The following DNAH5 variants were observed in gnomAD, a reference collection of about 807,000 sequenced individuals.
DNAH5 encodes axonemal beta dynein heavy chain 5.
DNAH5 carries 372 observed loss-of-function variants against 518.2 expected under a neutral mutation model. The observed-to-expected ratio is 0.72, with a 90% CI of 0.66 to 0.78. The LOEUF (loss-of-function observed/expected upper bound fraction) is 0.78, where lower values mean the gene tolerates loss of function less well. Ranked by LOEUF, DNAH5 falls within the 30% of genes least tolerant of loss-of-function variation. The probability of loss-of-function intolerance (pLI) is 0.00; values close to 1 mark genes in which losing one functional copy is unlikely to be tolerated. For synonymous variants in DNAH5, 2,039 were observed against 2,025.9 expected, an observed-to-expected ratio of 1.01 and a Z score of -0.17; for missense variants, 5,523 against 5,687.0, an observed-to-expected ratio of 0.97 and a Z score of 0.93.
intron 21 of DNAH5, among the ~76,000 whole-genome samples, chr5:13,877,738 G>T (rs919151956): frequency 7.2e-5 from 11 of 152,292 alleles, no homozygotes; most frequent in African/African-American, 2.6e-4. Context: ...TGGAAATGAG[G>T]CTTTGGACCT....
chr5:13,701,239 G>A (rs374725714), intron 77 of DNAH5, 45 bp downstream of exon 77: 16 of 1,612,818 alleles, frequency 9.9e-6, no homozygotes, highest in Admixed American at 5.0e-5. Flanking sequence ...AAATCCTGTG[G>A]AGGAAAATTA....
chr5:13,719,240 GAA>G, intron 71 of DNAH5, 139 bp from the exon 72 acceptor site: 1 of 772,976 alleles, frequency 1.3e-6, no homozygotes, highest in Non-Finnish European at 2.2e-6. Flanking sequence ...TCAAATCTAA[GAA>G]AACAAAAATG....
At chr5:13,983,411 C>T (rs552980949) in intron 1 of DNAH5, among the ~76,000 whole-genome samples, 2 of 152,290 alleles carry the variant, frequency 1.3e-5, no homozygotes, top group South Asian at 4.1e-4. Flanking sequence ...CTCCAAAGAA[C>T]CTTTGTGTGG....
Position 13,891,095 on chromosome 5 carries a change from C to T in DNAH5, c.2458G>A (p.Val820Ile). 1 of 1,614,008 alleles carries T rather than the reference C, an allele frequency of 6.2e-7. No individual in the cohort carries two copies. Among genetic ancestry groups the T allele is most frequent in the Non-Finnish European group, 8.5e-7 (1 of 1,179,994 alleles). ...IKDLELLLDR[V>I]NDLIEFRIDA... The stretch of plus-strand genomic sequence containing the variant: ...ATGCGGAACTCAATCAAATCATTGA[C>T]CCTGTCAAGCAGCAACTCCAGGTCC... Residue 820 changes from valine to isoleucine, a missense_variant, in exon 17 of 79, where the codon GTC (valine) becomes ATC (isoleucine). Val to Ile is a conservative substitution (Grantham distance 29). Coordinates refer to ENST00000265104, the MANE Select transcript of DNAH5 (RefSeq NM_001369.3).
intron 14 of DNAH5, 42 bp from the exon 15 acceptor site, chr5:13,900,454 T>C: frequency 6.6e-7 from 1 of 1,507,740 alleles, no homozygotes; most frequent in Non-Finnish European, 9.2e-7. Flanking sequence ...GAAAGTTCAA[T>C]TCATGCAGAG....
intron 44 of DNAH5, 71 bp downstream of exon 44, chr5:13,811,576 A>G (rs1335066483): frequency 7.0e-7 from 1 of 1,426,812 alleles, no homozygotes; most frequent in African/African-American, 1.4e-5. Context: ...TAAGAGAGAA[A>G]ATATAGTACT....
intron 71 of DNAH5, 64 bp from the exon 72 acceptor site, chr5:13,719,165 A>G: frequency 8.0e-7 from 1 of 1,244,232 alleles, no homozygotes; most frequent in Non-Finnish European, 1.2e-6. Context: ...AAATTATTAC[A>G]TTCTTTAGAA....
intron 59 of DNAH5, among the ~76,000 whole-genome samples, chr5:13,764,862 A>T (rs1354734940): frequency 6.6e-6 from 1 of 152,256 alleles, no homozygotes; most frequent in East Asian, 1.9e-4. Flanking sequence ...TGGTTCAAAC[A>T]GGCTTGTAAA....
intron 52 of DNAH5, among the ~76,000 whole-genome samples, chr5:13,784,987 G>A (rs1463169889): frequency 1.3e-5 from 2 of 152,000 alleles, no homozygotes; most frequent in African/African-American, 4.8e-5. Context: ...GATGGGACGG[G>A]GCTGAGTGAT....
At chr5:13,965,777 C>T (rs1167257033) in intron 1 of DNAH5, among the ~76,000 whole-genome samples, 1 of 152,146 alleles carries the variant, frequency 6.6e-6, no homozygotes, top group Non-Finnish European at 1.5e-5. Flanking sequence ...TCACTAACAG[C>T]TGTAGTGAGC....
In DNAH5 at chr5:13,944,515, C is replaced by A; in HGVS notation, c.-77G>T. 1 of 1,263,230 alleles carries A rather than the reference C, an allele frequency of 7.9e-7. No individual in the cohort carries two copies. Among genetic ancestry groups the A allele is most frequent in the South Asian group, 1.2e-5 (1 of 82,864 alleles). 78.3% of individuals were successfully genotyped at this position (1,263,230 alleles called of 1,614,324 possible). A position where few individuals can be genotyped will look rare whatever the true frequency, so the allele number is the denominator to read the frequency against. On this transcript the variant is annotated 5_prime_UTR_variant, in exon 1 of 79. The change creates a premature stop within an existing upstream ORF in the 5' untranslated region. Coordinates refer to ENST00000265104, the MANE Select transcript of DNAH5 (RefSeq NM_001369.3). ...ACTCCTGGCAGACCTGCTCAACATC[C>A]AACAGGCTTCCAAATGGAAAGTTTT...
Position 13,885,868 on chromosome 5 carries a change from T to C in DNAH5, c.2743+96A>G, listed in dbSNP as rs1772351208. 4.4e-6 allele frequency: 5 copies of C among 1,137,822 alleles called. No individual in the cohort carries two copies. In the African/African-American group the frequency reaches 4.6e-5, roughly 11 times the overall value. The allele number at this position is 1,137,822 out of a possible 1,614,324, so 70.5% of individuals were successfully genotyped here. A position where few individuals can be genotyped will look rare whatever the true frequency, so the allele number is the denominator to read the frequency against. On this transcript the variant is annotated intron_variant, in intron 18 of 78. Transcript: ENST00000265104. ...CATTAGAAAATCGAGAGGATGTTTA[T>C]AGAAGTATGAAATTAATTGGTATGT...
chr5:13,810,368 C>A, intron 44 of DNAH5, 108 bp from the exon 45 acceptor site: 1 of 946,560 alleles, frequency 1.1e-6, no homozygotes, highest in Non-Finnish European at 1.7e-6. Flanking sequence ...TAGTTGCCCT[C>A]CAAGAACAAG....
chr5:13,985,428 A>G (rs2152070116), intron 1 of DNAH5, among the ~76,000 whole-genome samples: 1 of 55,378 alleles, frequency 1.8e-5, no homozygotes, highest in South Asian at 7.7e-4. Flanking sequence ...AAAGTATAAT[A>G]AAATATATAT....
chr5:13,875,048 A>G (rs1770685689), intron 22 of DNAH5, among the ~76,000 whole-genome samples: 1 of 152,256 alleles, frequency 6.6e-6, no homozygotes, highest in Non-Finnish European at 1.5e-5. Flanking sequence ...CCCAGAAACA[A>G]TTTGGCTATC....
chr5:13,696,053 C>CCAGGTCACCACAT (rs1741340583), intron 78 of DNAH5, among the ~76,000 whole-genome samples: 1 of 152,170 alleles, frequency 6.6e-6, no homozygotes, highest in Non-Finnish European at 1.5e-5. Context: ...CGGCTATCCC[C>CCAGGTCACCACAT]ACCCCAGGCC....
intron 55 of DNAH5, among the ~76,000 whole-genome samples, chr5:13,773,858 C>T (rs763721116): frequency 2.2e-4 from 33 of 150,598 alleles, no homozygotes; most frequent in Non-Finnish European, 3.7e-4. Context: ...ATTATCCAGA[C>T]AAAGGAGGAG....
chr5:13,838,388 A>G (rs1227901193), intron 35 of DNAH5, among the ~76,000 whole-genome samples: 1 of 152,178 alleles, frequency 6.6e-6, no homozygotes, highest in Non-Finnish European at 1.5e-5. Flanking sequence ...CTCTATTTAT[A>G]GCCACTCCCA....
intron 40 of DNAH5, 47 bp from the exon 41 acceptor site, chr5:13,820,546 C>A (rs1371739421): frequency 6.2e-7 from 1 of 1,606,362 alleles, no homozygotes; most frequent in Non-Finnish European, 8.5e-7. Flanking sequence ...CAATGATGGC[C>A]GGACACGGTG....
Sources: allele counts gnomAD v4.1 joint callset (sites outside exome capture counted in the v4.1 genomes callset), GRCh38; gene constraint gnomAD v4.1.1; transcripts MANE v1.5; gene names NCBI Gene and HGNC (gene_info 2026-07-23, HGNC 2026-07-21).